JAK1: variants seen among roughly 807,000 people sequenced by gnomAD.
JAK1 encodes tyrosine-protein kinase JAK1.
JAK1 carries 16 observed loss-of-function variants against 136.6 expected under a neutral mutation model. That is an observed-to-expected ratio of 0.12 (90% CI 0.08 to 0.18). The LOEUF is 0.18. JAK1 is among the 10% of genes least tolerant of loss of function. The pLI is 1.00. For missense variants in JAK1, 859 were observed against 1,450.1 expected (o/e 0.59, Z 6.62); for synonymous variants, 492 against 519.5 (o/e 0.95, Z 0.72).
intron 1 of JAK1, among the ~76,000 whole-genome samples, chr1:64,963,518 T>C (rs892629630): frequency 1.3e-5 from 2 of 152,124 alleles, no homozygotes; most frequent in Admixed American, 6.6e-5. Context: ...TATCAAACCA[T>C]CCACAGGCGG....
chr1:64,882,887 G>A (rs555412913), intron 3 of JAK1, among the ~76,000 whole-genome samples: 5 of 152,260 alleles, frequency 3.3e-5, no homozygotes, highest in South Asian at 2.1e-4. Flanking sequence ...ATTGAGATAC[G>A]CTACTTGCTG....
rs187937536 is a variant in JAK1, at chr1:64,955,345, G to A, written c.-78+10988C>T. 9.2e-5 allele frequency among the ~76,000 whole-genome samples: 14 copies of A among 152,320 alleles called. No individual in the cohort carries two copies. In the East Asian group the frequency reaches 2.3e-3, roughly 25 times the overall value. On this transcript the variant is annotated intron_variant, in intron 1 of 24. Coordinates refer to ENST00000342505, the MANE Select transcript of JAK1 (RefSeq NM_002227.4). ...CTATGTGTATACACACCGCTTGTTG[G>A]GGTAGGGAGGGGCAGAGGAAGAGAC...
At chr1:64,860,826 CTGTGTGTG>C (rs72032330) in intron 8 of JAK1, among the ~76,000 whole-genome samples, 4 of 120,660 alleles carry the variant, frequency 3.3e-5, no homozygotes, top group South Asian at 2.6e-4. Flanking sequence ...TCAGATGACT[CTGTGTGTG>C]TGTGTGTGTG....
intron 2 of JAK1, chr1:64,990,842 A>T (rs1413278189): frequency 6.7e-6 from 1 of 148,304 alleles, no homozygotes; most frequent in Admixed American, 7.0e-5. Context: ...AATTGCTTGA[A>T]CCTGGGAGGC....
chr1:64,848,340 A>G (rs1655374065), intron 12 of JAK1, among the ~76,000 whole-genome samples: 1 of 152,202 alleles, frequency 6.6e-6, no homozygotes. Flanking sequence ...CTCACACTGG[A>G]ACCATCTGTT....
At chr1:65,023,618 G>A (rs1385929893) in intron 2 of JAK1, among the ~76,000 whole-genome samples, 1 of 152,020 alleles carries the variant, frequency 6.6e-6, no homozygotes, top group East Asian at 1.9e-4. Context: ...CGAGGAGCTG[G>A]GACTACAGGT....
chr1:64,945,883 G>A (rs1348843843), intron 1 of JAK1, among the ~76,000 whole-genome samples: 3 of 151,950 alleles, frequency 2.0e-5, no homozygotes, highest in African/African-American at 4.8e-5. Context: ...GAGTACAGGC[G>A]CCTGCCACCA....
At chr1:64,907,073 G>A (rs937963022) in intron 1 of JAK1, among the ~76,000 whole-genome samples, 2 of 152,030 alleles carry the variant, frequency 1.3e-5, no homozygotes, top group Non-Finnish European at 2.9e-5. Context: ...TTTATAACTG[G>A]GTTTGTTTTG....
chr1:64,837,298 G>A (rs964408482), intron 22 of JAK1, among the ~76,000 whole-genome samples: 2 of 152,156 alleles, frequency 1.3e-5, no homozygotes, highest in African/African-American at 4.8e-5. Flanking sequence ...AAGTGGGAGA[G>A]GTCTATGTTT....
chr1:65,025,426 G>A (rs1286782357), intron 2 of JAK1, among the ~76,000 whole-genome samples: 1 of 152,052 alleles, frequency 6.6e-6, no homozygotes. Context: ...TCCCAACCAC[G>A]GCCTCACTAA....
At chr1:65,060,861 G>A (rs1284328116) in intron 1 of JAK1, among the ~76,000 whole-genome samples, 1 of 151,944 alleles carries the variant, frequency 6.6e-6, no homozygotes. Context: ...AACATGTTTC[G>A]TCTAAGAACT....
chr1:65,050,726 T>A (rs1328707520), intron 1 of JAK1, among the ~76,000 whole-genome samples: 2 of 152,178 alleles, frequency 1.3e-5, no homozygotes, highest in Non-Finnish European at 1.5e-5. Context: ...CAGTGTATGG[T>A]GCAAATTTTA....
intron 6 of JAK1, among the ~76,000 whole-genome samples, chr1:64,867,718 C>T (rs1031354766): frequency 6.6e-6 from 1 of 152,176 alleles, no homozygotes; most frequent in Non-Finnish European, 1.5e-5. Context: ...AGGCTGGGGG[C>T]GGTGGCTCAC....
chr1:64,956,531 CA>C (rs1490846537), intron 1 of JAK1, among the ~76,000 whole-genome samples: 3 of 152,250 alleles, frequency 2.0e-5, no homozygotes, highest in Non-Finnish European at 4.4e-5. Context: ...CCCAACCCCC[CA>C]ACCTAAGCAT....
At chr1:64,955,483 G>A (rs755394226) in intron 1 of JAK1, among the ~76,000 whole-genome samples, 3 of 152,228 alleles carry the variant, frequency 2.0e-5, no homozygotes, top group Non-Finnish European at 4.4e-5. Flanking sequence ...GGGAAACATT[G>A]AAAGCAAAAT....
At chr1:64,836,287 A>C in intron 22 of JAK1, 72 bp from the exon 23 acceptor site, 3 of 840,758 alleles carry the variant, frequency 3.6e-6, no homozygotes, top group Non-Finnish European at 6.1e-6. Context: ...AGGATAACTG[A>C]AAAATCACCT....
chr1:64,859,076 A>G (rs1232999909), intron 9 of JAK1, among the ~76,000 whole-genome samples: 1 of 152,214 alleles, frequency 6.6e-6, no homozygotes, highest in Non-Finnish European at 1.5e-5. Context: ...CTGTTTCCCT[A>G]TGAGTCTGTG....
At chr1:64,928,346 G>A (rs1169185681) in intron 1 of JAK1, among the ~76,000 whole-genome samples, 1 of 152,194 alleles carries the variant, frequency 6.6e-6, no homozygotes, top group East Asian at 1.9e-4. Flanking sequence ...TGATGAGAAA[G>A]ATTCCAGAAC....
rs1420309164 is a variant in JAK1, at chr1:64,873,494, T to C, written c.359A>G (p.Asn120Ser). 1.2e-6 allele frequency: 2 copies of C among 1,614,082 alleles called. No homozygotes were observed. The highest frequency in any genetic ancestry group is 1.7e-6 in the Non-Finnish European group (2 of 1,180,036). ...ACGCCACACTGACTGCTCATTGTCGTTGGTTCCATGCCAATTGGTGAAATA... is the reference window on the plus strand; with the variant it reads ...ACGCCACACTGACTGCTCATTGTCGCTGGTTCCATGCCAATTGGTGAAATA... Reference protein sequence around the residue: ...RFYFTNWHGTNDNEQSVWRHS... With the variant: ...RFYFTNWHGTSDNEQSVWRHS... Residue 120 changes from asparagine to serine, a missense_variant, in exon 5 of 25, where the codon AAC becomes AGC. Physicochemically the swap from Asn to Ser is conservative, Grantham distance 46. Coordinates refer to ENST00000342505, the MANE Select transcript of JAK1 (RefSeq NM_002227.4).
Sources: allele counts gnomAD v4.1 joint callset (sites outside exome capture counted in the v4.1 genomes callset), GRCh38; gene constraint gnomAD v4.1.1; transcripts MANE v1.5; gene names NCBI Gene and HGNC (gene_info 2026-07-23, HGNC 2026-07-21).